Variants in PRKG1 observed in about 807,000 individuals in gnomAD.
PRKG1 encodes protein kinase cGMP-dependent 1.
Under a neutral mutation model 88.1 loss-of-function variants are expected in PRKG1, and 35 were observed. The observed-to-expected ratio is 0.40, with a 90% CI of 0.30 to 0.53. The LOEUF is 0.53. Among genes scored for constraint, PRKG1 ranks in the 20% least tolerant of loss-of-function variants. The probability of loss-of-function intolerance (pLI) is 0.59; values close to 1 mark genes in which losing one functional copy is unlikely to be tolerated. For synonymous variants in PRKG1, 303 were observed against 292.5 expected, an observed-to-expected ratio of 1.04 and a Z score of -0.37; for missense variants, 540 against 839.8, an observed-to-expected ratio of 0.64 and a Z score of 4.41.
chr10:51,773,557 G>T (rs1838359378), intron 3 of PRKG1, among the ~76,000 whole-genome samples: 1 of 151,842 alleles, frequency 6.6e-6, no homozygotes, highest in African/African-American at 2.4e-5. Flanking sequence ...GACATACTAG[G>T]GATCAAAACC....
chr10:51,729,032 C>T (rs1842207380), intron 3 of PRKG1, among the ~76,000 whole-genome samples: 1 of 152,096 alleles, frequency 6.6e-6, no homozygotes, highest in African/African-American at 2.4e-5. Flanking sequence ...TAAAATCTAC[C>T]AACCCAGCAA....
At chr10:51,365,114 G>T (rs925800024) in intron 2 of PRKG1, among the ~76,000 whole-genome samples, 3 of 151,834 alleles carry the variant, frequency 2.0e-5, no homozygotes, top group Admixed American at 2.0e-4. Context: ...TATCTGTCGG[G>T]TGACAGAATT....
intron 3 of PRKG1, among the ~76,000 whole-genome samples, chr10:51,797,963 G>A (rs1839061400): frequency 6.6e-6 from 1 of 151,834 alleles, no homozygotes; most frequent in Non-Finnish European, 1.5e-5. Context: ...CTATGTTATA[G>A]CACATATGAG....
At chr10:51,046,662 C>T (rs888347044) in intron 1 of PRKG1, among the ~76,000 whole-genome samples, 6 of 152,090 alleles carry the variant, frequency 3.9e-5, no homozygotes, top group African/African-American at 1.4e-4. Flanking sequence ...GACTGTCAGA[C>T]CAGCGGAAAT....
At chr10:51,641,560 A>G (rs1237473857) in intron 3 of PRKG1, among the ~76,000 whole-genome samples, 1 of 152,118 alleles carries the variant, frequency 6.6e-6, no homozygotes, top group Non-Finnish European at 1.5e-5. Flanking sequence ...GCCATGCTCG[A>G]TCAGCTGGTT....
At chr10:51,505,615 T>C (rs1190066488) in intron 3 of PRKG1, among the ~76,000 whole-genome samples, 1 of 152,104 alleles carries the variant, frequency 6.6e-6, no homozygotes, top group Non-Finnish European at 1.5e-5. Flanking sequence ...CTTTTTTTGG[T>C]TGGTAAGCTA....
chr10:51,447,049 G>A (rs1034149677), intron 2 of PRKG1, among the ~76,000 whole-genome samples: 2 of 152,098 alleles, frequency 1.3e-5, no homozygotes, highest in East Asian at 1.9e-4. Flanking sequence ...TTTTTTAAAA[G>A]TAATGTAGCA....
At chr10:51,459,073 A>G (rs1467641163) in intron 2 of PRKG1, among the ~76,000 whole-genome samples, 1 of 152,092 alleles carries the variant, frequency 6.6e-6, no homozygotes, top group Non-Finnish European at 1.5e-5. Flanking sequence ...TTAGTTTCTC[A>G]CATTAATATA....
At chr10:51,192,842 G>A (rs756226113) in intron 2 of PRKG1, among the ~76,000 whole-genome samples, 2 of 151,940 alleles carry the variant, frequency 1.3e-5, no homozygotes, top group Non-Finnish European at 2.9e-5. Flanking sequence ...ATATCTGGAA[G>A]TCTACCTTTC....
chr10:51,829,918 G>T (rs891871951), intron 4 of PRKG1, among the ~76,000 whole-genome samples: 1 of 152,126 alleles, frequency 6.6e-6, no homozygotes, highest in African/African-American at 2.4e-5. Flanking sequence ...TTTCAAATTG[G>T]TAAGAGCTGT....
intron 1 of PRKG1, among the ~76,000 whole-genome samples, chr10:51,095,125 G>A (rs1049867634): frequency 2.6e-4 from 39 of 152,234 alleles, no homozygotes; most frequent in East Asian, 2.1e-3. Context: ...TGACAAAGAC[G>A]TCTGGAGGGT....
At chr10:52,056,530 G>C (rs1248290570) in intron 6 of PRKG1, among the ~76,000 whole-genome samples, 1 of 152,074 alleles carries the variant, frequency 6.6e-6, no homozygotes, top group African/African-American at 2.4e-5. Flanking sequence ...GTAAGTATAA[G>C]TAGAAAAAGT....
rs575405354 is a variant in PRKG1, at chr10:51,426,237, T to C, written c.479-41486T>C. On this transcript the variant is annotated intron_variant, in intron 2 of 17. Transcript: ENST00000373980. ...CAGAGGTTGCAGGGAGCCGAGATCA[T>C]GCGACTGTACTCCAGCCTGGGCGAC... 1.4e-4 allele frequency among the ~76,000 whole-genome samples: 22 copies of C among 152,198 alleles called. No homozygotes were observed. In the South Asian group the frequency reaches 3.9e-3, roughly 27 times the overall value.
chr10:51,400,952 C>T (rs1399783646), intron 2 of PRKG1, among the ~76,000 whole-genome samples: 1 of 152,048 alleles, frequency 6.6e-6, no homozygotes. Flanking sequence ...CATCTGGGAC[C>T]GACTACTACA....
intron 5 of PRKG1, among the ~76,000 whole-genome samples, chr10:51,990,881 G>T (rs1373405767): frequency 1.0e-5 from 1 of 96,538 alleles, no homozygotes; most frequent in Non-Finnish European, 1.9e-5. Context: ...CCATGTTCCT[G>T]CAAAGATATG....
At chr10:51,544,139 G>T (rs549956747) in intron 3 of PRKG1, among the ~76,000 whole-genome samples, 2 of 151,830 alleles carry the variant, frequency 1.3e-5, no homozygotes, top group Non-Finnish European at 2.9e-5. Context: ...GTGCCATGTT[G>T]GTGTGCTGCA....
At chr10:51,860,248 T>C (rs1841365076) in intron 4 of PRKG1, among the ~76,000 whole-genome samples, 1 of 152,216 alleles carries the variant, frequency 6.6e-6, no homozygotes, top group African/African-American at 2.4e-5. Flanking sequence ...AGTTTGTGGC[T>C]TAAAGTAAAA....
intron 8 of PRKG1, among the ~76,000 whole-genome samples, chr10:52,157,569 G>A (rs1260755997): frequency 1.3e-5 from 2 of 150,992 alleles, no homozygotes; most frequent in Admixed American, 1.3e-4. Context: ...CCTTAATAAT[G>A]AAAACATTTT....
rs144559330 is a variant in PRKG1, at chr10:51,484,392, A to G, written c.592+16556A>G. Among the ~76,000 whole-genome samples the G allele has an allele frequency of 4.1e-3, 630 of 152,222 alleles. 3 individuals carry two copies. Among genetic ancestry groups the G allele is most frequent in the Non-Finnish European group, 6.7e-3 (454 of 68,012 alleles). ...AAAAGACATTTTATCTTATTTTTAA[A>G]TTTTGATCTATGTATTTATGCATTT... On this transcript the variant is annotated intron_variant, in intron 3 of 17. Coordinates refer to ENST00000373980, the MANE Select transcript of PRKG1 (RefSeq NM_006258.4).
Sources: allele counts gnomAD v4.1 joint callset (sites outside exome capture counted in the v4.1 genomes callset), GRCh38; gene constraint gnomAD v4.1.1; transcripts MANE v1.5; gene names NCBI Gene and HGNC (gene_info 2026-07-23, HGNC 2026-07-21).